ANKRD60: variants seen among roughly 807,000 people sequenced by gnomAD.
ANKRD60 encodes the protein ankyrin repeat domain 60, also known as ankyrin repeat domain-containing protein 60.
Under a neutral mutation model 21.3 loss-of-function variants are expected in ANKRD60, and 24 were observed. The ratio of observed to expected loss-of-function variants is 1.13; its 90% CI spans 0.82 to 1.59. ANKRD60 has a LOEUF of 1.59. ANKRD60 is among the 40% of genes most tolerant of loss of function. The probability of loss-of-function intolerance (pLI) is 0.00; values close to 1 mark genes in which losing one functional copy is unlikely to be tolerated. For synonymous variants in ANKRD60, 182 were observed against 199.4 expected, an observed-to-expected ratio of 0.91 and a Z score of 0.74; for missense variants, 490 against 466.7, an observed-to-expected ratio of 1.05 and a Z score of -0.46.
At chr20:58,217,621 G>T (rs372600254), downstream of ANKRD60, among the ~76,000 whole-genome samples, 1 of 151,912 alleles carries the variant, frequency 6.6e-6, no homozygotes, top group Non-Finnish European at 1.5e-5. Context: ...TCGTGCACTC[G>T]GCAGGCTGGG....
At chr20:58,225,302 A>G (rs1460886027) in intron 1 of ANKRD60, among the ~76,000 whole-genome samples, 1 of 152,172 alleles carries the variant, frequency 6.6e-6, no homozygotes, top group Non-Finnish European at 1.5e-5. Flanking sequence ...GTAGTTGAGG[A>G]TACATAATTT....
At position 58,222,024 on chromosome 20, in the gene ANKRD60, C is replaced by T. The variant is rs138687433; in HGVS notation, c.562-521G>A. ...GTCTTTGAGCCTGGGAGGAAGGCTA[C>T]GGGTTCCCCCAGGGAGGATACTCTG... On this transcript the variant is annotated intron_variant, in intron 2 of 3. Transcript: ENST00000457363. Among the ~76,000 whole-genome samples, 44 of 152,288 alleles carry T rather than the reference C, an allele frequency of 2.9e-4. 1 individual carries two copies. The East Asian group carries it at 7.1e-3, about 25-fold the overall frequency.
downstream of ANKRD60, among the ~76,000 whole-genome samples, chr20:58,216,969 CAG>C (rs1169785176): frequency 6.6e-6 from 1 of 152,226 alleles, no homozygotes; most frequent in Non-Finnish European, 1.5e-5. Flanking sequence ...ACTGTGGCAT[CAG>C]AGTCTTGGAT....
chr20:58,221,764 CA>C (rs1866308785), intron 2 of ANKRD60, among the ~76,000 whole-genome samples: 1 of 152,078 alleles, frequency 6.6e-6, no homozygotes, highest in African/African-American at 2.4e-5. Context: ...GTCTTCCTGT[CA>C]ATGTTTTGAA....
At chr20:58,218,682 G>C (rs779060121) in exon 4 of ANKRD60, 2 of 1,551,640 alleles carry the variant, frequency 1.3e-6, no homozygotes, top group Non-Finnish European at 1.7e-6. Flanking sequence ...CTCCCCCTTG[G>C]CATCTCTGTC....
At chr20:58,226,303 C>T (rs185255381) in intron 1 of ANKRD60, among the ~76,000 whole-genome samples, 81 of 151,986 alleles carry the variant, frequency 5.3e-4, no homozygotes, top group African/African-American at 1.1e-3. Context: ...TTGGAGTCCT[C>T]GTATGGGCAG....
At chr20:58,216,916 TGG>T (rs1305745965), downstream of ANKRD60, among the ~76,000 whole-genome samples, 1 of 151,878 alleles carries the variant, frequency 6.6e-6, no homozygotes, top group Non-Finnish European at 1.5e-5. Context: ...GGTGGGAGAG[TGG>T]ACCCCACACG....
intron 1 of ANKRD60, among the ~76,000 whole-genome samples, chr20:58,223,565 C>T (rs1984306202): frequency 6.6e-6 from 1 of 152,188 alleles, no homozygotes; most frequent in Admixed American, 6.5e-5. Flanking sequence ...TTATACAAAT[C>T]ATATAGGGTA....
chr20:58,228,520 GC>G lies in ANKRD60; in HGVS notation c.133del (p.Ala45LeufsTer72). 2.2e-6 allele frequency: 3 copies of G among 1,353,622 alleles called. No homozygotes were observed. Among genetic ancestry groups the G allele is most frequent in the Non-Finnish European group, 9.4e-7 (1 of 1,058,204 alleles). 83.9% of individuals were successfully genotyped at this position (1,353,622 alleles called of 1,614,324 possible). The stretch of plus-strand genomic sequence containing the variant: ...CACCCTGGGCCCGCCGCACCCCTGA[GC>G]CCCGGCCCGCGCACCGCTCCTGCGT... On this transcript the variant is annotated frameshift_variant, in exon 1 of 4. Transcript: ENST00000457363. LOFTEE classifies it high-confidence loss of function. This position sits in a 1 kb window ranked among gnomAD's most constrained non-coding sequence, Gnocchi z 5.3.
In ANKRD60 at chr20:58,228,295, TC is replaced by T. The variant is rs1984407322; in HGVS notation, c.358del (p.Glu120SerfsTer8). ...CATCAGGTCCAGCTCCTCTTTGAGC[TC>T]CCGCACGGTCATGTCGCCGCGGCAG... On this transcript the variant is annotated frameshift_variant, in exon 1 of 4. Transcript: ENST00000457363. LOFTEE classifies it high-confidence loss of function. This position sits in a 1 kb window ranked among gnomAD's most constrained non-coding sequence, Gnocchi z 5.3. 1.3e-6 allele frequency: 2 copies of T among 1,551,196 alleles called. No individual in the cohort carries two copies. Among genetic ancestry groups the T allele is most frequent in the Non-Finnish European group, 1.7e-6 (2 of 1,146,890 alleles).
At chr20:58,226,667 G>T (rs1324012870) in intron 1 of ANKRD60, among the ~76,000 whole-genome samples, 1 of 152,042 alleles carries the variant, frequency 6.6e-6, no homozygotes, top group Non-Finnish European at 1.5e-5. Flanking sequence ...GATATGTGTG[G>T]GTTTGACTTG....
chr20:58,222,172 A>ACC (rs1984271029), intron 2 of ANKRD60, among the ~76,000 whole-genome samples: 1 of 152,122 alleles, frequency 6.6e-6, no homozygotes, highest in Non-Finnish European at 1.5e-5. Context: ...GAGCCAGAAA[A>ACC]CCAAGCATGG....
chr20:58,216,327 G>A (rs1984134908), downstream of ANKRD60, among the ~76,000 whole-genome samples: 1 of 152,162 alleles, frequency 6.6e-6, no homozygotes, highest in African/African-American at 2.4e-5. Flanking sequence ...TTGAATTGGG[G>A]GTAGATGAAG....
downstream of ANKRD60, among the ~76,000 whole-genome samples, chr20:58,216,785 G>C (rs148319728): frequency 2.0e-5 from 3 of 152,192 alleles, no homozygotes; most frequent in Non-Finnish European, 4.4e-5. Context: ...GGGTGGCCAG[G>C]ATACAGCGCC....
At chr20:58,220,750 T>A (rs1379870293) in intron 3 of ANKRD60, among the ~76,000 whole-genome samples, 2 of 151,036 alleles carry the variant, frequency 1.3e-5, no homozygotes, top group Non-Finnish European at 2.9e-5. Context: ...TATCTCAGCC[T>A]CCTGAGTAGC....
chr20:58,224,083 T>C (rs1444585965), intron 1 of ANKRD60, among the ~76,000 whole-genome samples: 1 of 150,604 alleles, frequency 6.6e-6, no homozygotes, highest in African/African-American at 2.5e-5. Context: ...GCCTGGGCAA[T>C]AGAGTGAAAC....
intron 2 of ANKRD60, among the ~76,000 whole-genome samples, chr20:58,221,840 C>G (rs562067625): frequency 6.6e-6 from 1 of 152,102 alleles, no homozygotes; most frequent in Non-Finnish European, 1.5e-5. Context: ...AAGACACCAG[C>G]CAATATAAAT....
chr20:58,218,805 C>G, exon 4 of ANKRD60: 11 of 1,530,364 alleles, frequency 7.2e-6, no homozygotes, highest in Non-Finnish European at 9.7e-6. Context: ...GCAGCTGGCT[C>G]CTGTAAAATA....
rs1438064534 is a variant in ANKRD60, at chr20:58,228,602, C to CG, written c.51dup (p.Gly18ArgfsTer62). On this transcript the variant is annotated frameshift_variant, in exon 1 of 4. Transcript: ENST00000457363. LOFTEE classifies it high-confidence loss of function. The surrounding 1 kb of genome is among the most constrained non-coding windows in gnomAD (Gnocchi z 5.3). ...CCAGTTGGCCCCGCCGCCCGCGCTC[C>CG]GCCCGCCCCCGCCGCCGCCCGCCGC... 9.4e-7 allele frequency: 1 copy of CG among 1,067,482 alleles called. No individual in the cohort carries two copies. The highest frequency in any genetic ancestry group is 1.1e-6 in the Non-Finnish European group (1 of 882,684). 66.1% of individuals were successfully genotyped at this position (1,067,482 alleles called of 1,614,324 possible).
Sources: allele counts gnomAD v4.1 joint callset (sites outside exome capture counted in the v4.1 genomes callset), GRCh38; gene constraint gnomAD v4.1.1; non-coding constraint Gnocchi (gnomAD v3.1); transcripts MANE v1.5; gene names NCBI Gene and HGNC (gene_info 2026-07-23, HGNC 2026-07-21).